SPATA22: variants seen among roughly 807,000 people sequenced by gnomAD.
The protein encoded by SPATA22 is spermatogenesis-associated protein 22.
Under a neutral mutation model 47.8 loss-of-function variants are expected in SPATA22, and 29 were observed. The ratio of observed to expected loss-of-function variants is 0.61; its 90% CI spans 0.45 to 0.83. The LOEUF is 0.83. SPATA22 is among the 40% of genes least tolerant of loss of function. The pLI, the probability that SPATA22 is intolerant of heterozygous loss-of-function variation, is 0.00. For synonymous variants in SPATA22, 133 were observed against 140.9 expected (o/e 0.94, Z 0.40); for missense variants, 410 against 421.7 (o/e 0.97, Z 0.24).
exon 1 of SPATA22, chr17:3,513,658 C>T: frequency 2.6e-6 from 1 of 383,966 alleles, no homozygotes; most frequent in Non-Finnish European, 4.7e-6. Context: ...CAGGAGGCTC[C>T]CAGGCTCCAG....
At chr17:3,441,273 T>C (rs2072591994) in intron 8 of SPATA22, 1 of 151,996 alleles carries the variant, frequency 6.6e-6, no homozygotes, top group African/African-American at 2.4e-5. Flanking sequence ...ATGCACATAA[T>C]GGACAGAAAA....
Position 3,485,747 on chromosome 17 carries a change from C to T in SPATA22, c.-73-16349G>A, listed in dbSNP as rs576028949. ...TTACAAGCTAACCATTAGCCTAGCA[C>T]CTCTGAGTGGATGCCAGTAGAAGAC... On this transcript the variant is annotated intron_variant, in intron 1 of 8. Coordinates refer to the SPATA22 transcript ENST00000541913. This position sits in a 1 kb window ranked among gnomAD's most constrained non-coding sequence, Gnocchi z 4.4. 6.6e-6 allele frequency among the ~76,000 whole-genome samples: 1 copy of T among 152,288 alleles called. No homozygotes were observed. Among genetic ancestry groups the T allele is most frequent in the East Asian group, 1.9e-4 (1 of 5,172 alleles).
At chr17:3,471,893 T>G (rs2073447724), upstream of SPATA22, 3 of 983,784 alleles carry the variant, frequency 3.0e-6, no homozygotes. Context: ...CTTCGCTGCC[T>G]GCCTGGCCGC....
intron 5 of SPATA22, among the ~76,000 whole-genome samples, chr17:3,454,202 A>G (rs1032420138): frequency 6.6e-6 from 1 of 150,968 alleles, no homozygotes; most frequent in Admixed American, 6.6e-5. Context: ...AATATAAAAC[A>G]GATTAAAAAA....
intron 5 of SPATA22, among the ~76,000 whole-genome samples, chr17:3,460,029 T>C (rs1330871908): frequency 6.6e-6 from 1 of 152,192 alleles, no homozygotes; most frequent in Non-Finnish European, 1.5e-5. Context: ...AAGAAAACAA[T>C]TCTGGGTGAA....
chr17:3,488,718 A>C lies in SPATA22; in HGVS notation c.-73-19320T>G, dbSNP rs2073770479. ...TGTGTTAGGATGGATTGCTAGGTTAAGGGCAAAATCATTGCTCAAGGGTCA... is the reference window on the plus strand; with the variant it reads ...TGTGTTAGGATGGATTGCTAGGTTACGGGCAAAATCATTGCTCAAGGGTCA... On this transcript the variant is annotated intron_variant, in intron 1 of 8. Coordinates refer to the SPATA22 transcript ENST00000541913. The surrounding 1 kb of genome is among the most constrained non-coding windows in gnomAD (Gnocchi z 6.1). 6.6e-6 allele frequency among the ~76,000 whole-genome samples: 1 copy of C among 152,212 alleles called. No homozygotes were observed. Among genetic ancestry groups the C allele is most frequent in the South Asian group, 2.1e-4 (1 of 4,830 alleles).
intron 5 of SPATA22, among the ~76,000 whole-genome samples, chr17:3,450,354 C>G (rs909194442): frequency 2.0e-5 from 3 of 151,978 alleles, no homozygotes; most frequent in African/African-American, 7.3e-5. Flanking sequence ...AAAGTTAGTA[C>G]AAAATAACGA....
chr17:3,490,092 TA>T lies in SPATA22; in HGVS notation c.-73-20695del, dbSNP rs2073798517. 6.6e-6 allele frequency among the ~76,000 whole-genome samples: 1 copy of T among 152,134 alleles called. No individual in the cohort carries two copies. The highest frequency in any genetic ancestry group is 1.5e-5 in the Non-Finnish European group (1 of 68,020). On this transcript the variant is annotated intron_variant, in intron 1 of 8. Coordinates refer to the SPATA22 transcript ENST00000541913. The surrounding 1 kb of genome is among the most constrained non-coding windows in gnomAD (Gnocchi z 4.6). ...AATAACAATAATAATCATCACCTTC[TA>T]GGATACATATATATGTTAACACATC...
At chr17:3,467,665 A>AGC in intron 2 of SPATA22, 111 bp from the exon 3 acceptor site, 2 of 715,850 alleles carry the variant, frequency 2.8e-6, no homozygotes, top group Non-Finnish European at 2.0e-6. Context: ...TCTATATGCT[A>AGC]ATATACTTAT....
chr17:3,504,272 G>A lies in SPATA22; in HGVS notation c.-74+9140C>T, dbSNP rs921696145. Among the ~76,000 whole-genome samples, 10 of 152,034 alleles carry A rather than the reference G, an allele frequency of 6.6e-5. No individual in the cohort carries two copies. In the South Asian group the frequency reaches 8.3e-4, roughly 13 times the overall value. ...TGAGGGCATCAGCAGTGTCTTTTTC[G>A]ATGTCTACAATCTAGAAAGTGACCA... On this transcript the variant is annotated intron_variant, in intron 1 of 8. Transcript: ENST00000541913.
chr17:3,451,642 A>G (rs941222937), intron 5 of SPATA22, among the ~76,000 whole-genome samples: 1 of 152,198 alleles, frequency 6.6e-6, no homozygotes, highest in African/African-American at 2.4e-5. Flanking sequence ...CTAGAAATCA[A>G]TAACAGCTAG....
intron 1 of SPATA22, chr17:3,500,885 A>G (rs1483945583): frequency 6.6e-6 from 1 of 152,146 alleles, no homozygotes; most frequent in African/African-American, 2.4e-5. Context: ...CCTCGCTGGC[A>G]GCACATCTGT....
intron 3 of SPATA22, among the ~76,000 whole-genome samples, chr17:3,464,829 A>C (rs1255083126): frequency 1.0e-5 from 1 of 100,004 alleles, no homozygotes; most frequent in Non-Finnish European, 2.1e-5. Context: ...CCCGGCAGCC[A>C]CCCCGTCTGG....
chr17:3,463,319 G>A (rs1217937621), intron 3 of SPATA22, among the ~76,000 whole-genome samples: 3 of 152,222 alleles, frequency 2.0e-5, no homozygotes, highest in Admixed American at 6.5e-5. Context: ...CACAAAGCTG[G>A]AGAGTACAGC....
At chr17:3,440,419 T>A in intron 8 of SPATA22, 81 bp from the exon 9 acceptor site, 3 of 1,194,560 alleles carry the variant, frequency 2.5e-6, no homozygotes, top group Non-Finnish European at 3.4e-6. Context: ...TGTGATCAAC[T>A]AAACATGTGC....
chr17:3,479,630 T>C (rs1489107138), intron 1 of SPATA22, among the ~76,000 whole-genome samples: 2 of 151,928 alleles, frequency 1.3e-5, no homozygotes, highest in East Asian at 1.9e-4. Flanking sequence ...CCTTTCCACC[T>C]TCCCCCTGCA....
At chr17:3,455,374 C>T (rs2072963684) in intron 5 of SPATA22, among the ~76,000 whole-genome samples, 1 of 151,346 alleles carries the variant, frequency 6.6e-6, no homozygotes, top group South Asian at 2.1e-4. Context: ...CTTGCCCATG[C>T]CTATGTCCTG....
chr17:3,447,365 G>T (rs2072750481), intron 6 of SPATA22, among the ~76,000 whole-genome samples: 1 of 152,082 alleles, frequency 6.6e-6, no homozygotes, highest in African/African-American at 2.4e-5. Flanking sequence ...GGGTTGTGAA[G>T]AACATATGAT....
chr17:3,471,887 G>A (rs543706564), upstream of SPATA22: 3 of 984,940 alleles, frequency 3.0e-6, no homozygotes, highest in Non-Finnish European at 2.4e-6. Context: ...TGGCATCTTC[G>A]CTGCCTGCCT....
Sources: gnomAD v4.1 joint callset for allele counts (sites outside exome capture counted in the v4.1 genomes callset) on GRCh38, gnomAD v4.1.1 for gene constraint, Gnocchi (gnomAD v3.1) non-coding constraint, MANE v1.5 for transcripts, NCBI Gene and HGNC (gene_info 2026-07-23, HGNC 2026-07-21) for gene names.